The following ZC3H7A variants were observed in gnomAD, a reference collection of about 807,000 sequenced individuals.
The protein encoded by ZC3H7A is zinc finger CCCH domain-containing protein 7A.
In ZC3H7A, 44 loss-of-function variants were observed where a neutral mutation model predicts 125.5. The observed-to-expected ratio is 0.35, with a 90% confidence interval of 0.28 to 0.45. The LOEUF is 0.45. Ranked by LOEUF, ZC3H7A falls within the 20% of genes least tolerant of loss-of-function variation. The probability of loss-of-function intolerance (pLI) is 1.00; values close to 1 mark genes in which losing one functional copy is unlikely to be tolerated. For missense variants in ZC3H7A, 977 were observed against 1,170.7 expected, an observed-to-expected ratio of 0.83 and a Z score of 2.41; for synonymous variants, 399 against 391.2, an observed-to-expected ratio of 1.02 and a Z score of -0.23.
Position 11,769,114 on chromosome 16 carries a change from T to G in ZC3H7A, c.1109-19A>C. 1.3e-6 allele frequency: 2 copies of G among 1,598,148 alleles called. No homozygotes were observed. The highest frequency in any genetic ancestry group is 1.7e-6 in the Non-Finnish European group (2 of 1,173,314). ...GACAGATCTAAAATAATAAAAAAAC[T>G]TCAACAGACCTTTTCATTCTGATCA... On this transcript the variant is annotated intron_variant, in intron 10 of 22. Transcript: ENST00000355758.
At chr16:11,788,344 G>C (rs1164829544) in intron 1 of ZC3H7A, among the ~76,000 whole-genome samples, 3 of 152,118 alleles carry the variant, frequency 2.0e-5, no homozygotes, top group African/African-American at 7.2e-5. Flanking sequence ...CCCTCCATCA[G>C]ATGTCAAATG....
intron 21 of ZC3H7A, among the ~76,000 whole-genome samples, chr16:11,754,674 G>A (rs963796778): frequency 3.4e-5 from 5 of 149,038 alleles, no homozygotes; most frequent in Middle Eastern, 3.6e-3. Context: ...GGCAGATCAC[G>A]CAAGGTCAGG....
chr16:11,765,394 C>T lies in ZC3H7A; in HGVS notation c.1719+95G>A. ...TCATATAAATAAATGAATATTTATT[C>T]ATTTACCAAGTGAATGTTTTATCAC... is the stretch of plus-strand genomic sequence containing the variant. On this transcript the variant is annotated intron_variant, in intron 14 of 22. Transcript: ENST00000355758. The surrounding 1 kb of genome is among the most constrained non-coding windows in gnomAD (Gnocchi z 4.8). 1.2e-6 allele frequency: 1 copy of T among 820,950 alleles called. No homozygotes were observed. The allele number at this position is 820,950 out of a possible 1,614,324, so 50.9% of individuals were successfully genotyped here.
At chr16:11,782,596 A>ATAT in intron 1 of ZC3H7A, 1 of 307,170 alleles carries the variant, frequency 3.3e-6, no homozygotes, top group Non-Finnish European at 5.9e-6. Flanking sequence ...CACCGTTTTC[A>ATAT]TATTCTTTTT....
chr16:11,787,838 C>G (rs548048371), intron 1 of ZC3H7A, among the ~76,000 whole-genome samples: 10 of 151,798 alleles, frequency 6.6e-5, no homozygotes, highest in Non-Finnish European at 1.3e-4. Flanking sequence ...CCCAGCTACT[C>G]GGAAGGCTGA....
chr16:11,761,289 G>A, intron 19 of ZC3H7A, 117 bp downstream of exon 19: 1 of 959,378 alleles, frequency 1.0e-6, no homozygotes, highest in South Asian at 1.5e-5. Flanking sequence ...CATTTAAATA[G>A]CATTATTACT....
chr16:11,791,435 G>A (rs1413038553), intron 1 of ZC3H7A, among the ~76,000 whole-genome samples: 1 of 152,030 alleles, frequency 6.6e-6, no homozygotes, highest in East Asian at 1.9e-4. Context: ...ACACTGTTAG[G>A]TACCTTCCCT....
intron 1 of ZC3H7A, chr16:11,796,404 T>G (rs1270129082): frequency 2.6e-5 from 4 of 152,164 alleles, no homozygotes; most frequent in African/African-American, 9.7e-5. Flanking sequence ...CACGGGCAAC[T>G]CCTTTTCATC....
intron 20 of ZC3H7A, 103 bp downstream of exon 20, chr16:11,758,328 A>T: frequency 1.2e-6 from 1 of 865,260 alleles, no homozygotes; most frequent in Non-Finnish European, 1.9e-6. Context: ...ACCGTTTAGA[A>T]TGCAAACTGC....
chr16:11,770,406 C>CTT (rs1378772265), intron 10 of ZC3H7A, among the ~76,000 whole-genome samples: 10 of 152,164 alleles, frequency 6.6e-5, no homozygotes, highest in Non-Finnish European at 1.3e-4. Context: ...AAATACTGAT[C>CTT]TTAAATTAGT....
At chr16:11,795,962 AGCTGACTACC>A (rs1378431584) in intron 1 of ZC3H7A, among the ~76,000 whole-genome samples, 2 of 151,982 alleles carry the variant, frequency 1.3e-5, no homozygotes, top group Non-Finnish European at 2.9e-5. Context: ...CTTCCCGAGT[AGCTGACTACC>A]GGCGTGCGCC....
At chr16:11,791,958 C>T (rs2053361910) in intron 1 of ZC3H7A, among the ~76,000 whole-genome samples, 1 of 152,204 alleles carries the variant, frequency 6.6e-6, no homozygotes, top group Non-Finnish European at 1.5e-5. Context: ...GTTGCCCAGG[C>T]TGCAGTACAG....
chr16:11,787,525 G>A (rs2053275815), intron 1 of ZC3H7A, among the ~76,000 whole-genome samples: 1 of 152,100 alleles, frequency 6.6e-6, no homozygotes, highest in Non-Finnish European at 1.5e-5. Flanking sequence ...ACAGTGGTGT[G>A]ATCACAGCTC....
Position 11,774,289 on chromosome 16 carries a change from C to T in ZC3H7A, c.850G>A (p.Asp284Asn). The change falls in exon 9 of 23, where the codon GAT (aspartate) becomes AAT (asparagine). Residue 284 changes from aspartate (D) to asparagine (N), a missense_variant. Physicochemically the swap from Asp to Asn is conservative, Grantham distance 23 (BLOSUM62 1). This residue lies in a region of ZC3H7A where 342 missense variants were observed against 311.3 expected (regional missense o/e 1.10). Transcript: ENST00000355758. Reference sequence around the variant, plus strand: ...GAATCAAGCAGGTCATCTAGTTCATCTCCAAGGACCATATCTCCATCATCT... The same window carrying T: ...GAATCAAGCAGGTCATCTAGTTCATTTCCAAGGACCATATCTCCATCATCT... Reference protein sequence around the residue: ...FLDDGDMVLGDELDDLLDSAP... With the variant: ...FLDDGDMVLGNELDDLLDSAP... 1 of 1,612,776 alleles carries T rather than the reference C, an allele frequency of 6.2e-7. No homozygotes were observed.
At chr16:11,760,214 T>C (rs932851849) in intron 19 of ZC3H7A, among the ~76,000 whole-genome samples, 1 of 151,642 alleles carries the variant, frequency 6.6e-6, no homozygotes, top group Non-Finnish European at 1.5e-5. Flanking sequence ...TACTGTAATG[T>C]TGCACAGTAG....
chr16:11,762,130 T>TC (rs1275925422), intron 17 of ZC3H7A, 87 bp from the exon 18 acceptor site: 13 of 1,343,144 alleles, frequency 9.7e-6, no homozygotes, highest in Non-Finnish European at 1.3e-5. Context: ...TGCATTTTTT[T>TC]CACAATAGTA....
intron 10 of ZC3H7A, among the ~76,000 whole-genome samples, chr16:11,770,156 TTCTTTAAGTCAA>T (rs1187883760): frequency 2.0e-5 from 3 of 152,128 alleles, no homozygotes; most frequent in African/African-American, 7.2e-5. Context: ...ATATTTTAAT[TTCTTTAAGTCAA>T]TCTTTAAGTC....
At chr16:11,784,265 A>C (rs1285206826) in intron 1 of ZC3H7A, among the ~76,000 whole-genome samples, 1 of 152,194 alleles carries the variant, frequency 6.6e-6, no homozygotes, top group Non-Finnish European at 1.5e-5. Context: ...ATGGAAGCTC[A>C]TTCCACCCTT....
intron 16 of ZC3H7A, 35 bp downstream of exon 16, chr16:11,763,443 G>A (rs1458352290): frequency 1.9e-6 from 3 of 1,573,924 alleles, no homozygotes; most frequent in Non-Finnish European, 2.6e-6. Context: ...GTCTGCTCTT[G>A]AGGAGACATA....
Sources: gnomAD v4.1 joint callset for allele counts (sites outside exome capture counted in the v4.1 genomes callset) on GRCh38, gnomAD v4.1.1 for gene constraint, gnomAD v4.1.1 regional missense constraint, Gnocchi (gnomAD v3.1) non-coding constraint, MANE v1.5 for transcripts, NCBI Gene and HGNC (gene_info 2026-07-23, HGNC 2026-07-21) for gene names.